Variants in SMYD3 observed in about 807,000 individuals in gnomAD.
SMYD3 encodes the protein SET and MYND domain containing 3, also known as histone-lysine N-methyltransferase SMYD3.
SMYD3 carries 36 observed loss-of-function variants against 57.7 expected under a neutral mutation model. The observed-to-expected ratio is 0.62, with a 90% CI of 0.48 to 0.82. The LOEUF (loss-of-function observed/expected upper bound fraction) is 0.82. Ranked by LOEUF, SMYD3 falls within the 40% of genes least tolerant of loss-of-function variation. The probability of loss-of-function intolerance (pLI) is 0.00; values close to 1 mark genes in which losing one functional copy is unlikely to be tolerated. For missense variants in SMYD3, 515 were observed against 538.8 expected (o/e 0.96, Z 0.44); for synonymous variants, 211 against 195.0 (o/e 1.08, Z -0.68).
intron 5 of SMYD3, among the ~76,000 whole-genome samples, chr1:246,129,982 T>C (rs2061564032): frequency 1.3e-5 from 2 of 152,218 alleles, no homozygotes; most frequent in Non-Finnish European, 2.9e-5. Flanking sequence ...CTATGTCTAC[T>C]TCTGTTTAAA....
At chr1:245,827,122 G>C (rs1344662659) in intron 10 of SMYD3, among the ~76,000 whole-genome samples, 2 of 152,168 alleles carry the variant, frequency 1.3e-5, no homozygotes, top group African/African-American at 4.8e-5. Flanking sequence ...AGAAACTTCA[G>C]GGTTATGACT....
chr1:245,973,270 A>G (rs1410434011), intron 5 of SMYD3, among the ~76,000 whole-genome samples: 1 of 152,234 alleles, frequency 6.6e-6, no homozygotes, highest in East Asian at 1.9e-4. Flanking sequence ...TTTGTTAGGT[A>G]TTATGTTTTT....
At chr1:245,855,872 A>T (rs1440489494) in intron 10 of SMYD3, among the ~76,000 whole-genome samples, 1 of 152,246 alleles carries the variant, frequency 6.6e-6, no homozygotes, top group Non-Finnish European at 1.5e-5. Flanking sequence ...CTTGACCTCC[A>T]TCTAGTTGTT....
chr1:245,892,620 TC>T (rs1223164411), intron 8 of SMYD3, among the ~76,000 whole-genome samples: 3 of 152,230 alleles, frequency 2.0e-5, no homozygotes, highest in African/African-American at 7.2e-5. Context: ...AACTCTGTAC[TC>T]TTTGTATAAT....
intron 1 of SMYD3, among the ~76,000 whole-genome samples, chr1:246,476,178 A>G (rs2068028394): frequency 6.6e-6 from 1 of 152,214 alleles, no homozygotes; most frequent in Non-Finnish European, 1.5e-5. Flanking sequence ...TATCTAGGTA[A>G]TTCTAATGGA....
rs186897146 is a variant in SMYD3 at position 246,260,678 on chromosome 1, G to A, written c.531+66523C>T. 5.7e-3 allele frequency among the ~76,000 whole-genome samples: 858 copies of A among 151,848 alleles called. 9 individuals are homozygous for A. Among genetic ancestry groups the A allele is most frequent in the Non-Finnish European group, 4.8e-3 (326 of 67,916 alleles). Reference sequence around the variant, plus strand: ...GATCTCTTGACCTCGTGATCCACCCGCCTCAGCCTCCCAAAGTGCTAGATT... The same window carrying A: ...GATCTCTTGACCTCGTGATCCACCCACCTCAGCCTCCCAAAGTGCTAGATT... On this transcript the variant is annotated intron_variant, in intron 5 of 11. Transcript: ENST00000490107.
At chr1:246,365,709 G>GA (rs1419913452) in intron 1 of SMYD3, among the ~76,000 whole-genome samples, 4 of 151,986 alleles carry the variant, frequency 2.6e-5, no homozygotes, top group Non-Finnish European at 5.9e-5. Context: ...TGACTGGGTG[G>GA]AAAAAACTAT....
chr1:245,972,345 AAC>A (rs1272608880), intron 5 of SMYD3, among the ~76,000 whole-genome samples: 6 of 152,148 alleles, frequency 3.9e-5, no homozygotes, highest in Non-Finnish European at 2.9e-5. Context: ...CTATGACAAC[AAC>A]ACAGTGTTCA....
At chr1:246,499,518 G>A (rs1299767437) in intron 1 of SMYD3, among the ~76,000 whole-genome samples, 2 of 151,712 alleles carry the variant, frequency 1.3e-5, no homozygotes, top group East Asian at 1.9e-4. Context: ...GTGCAGTGGC[G>A]CAGTCTCAGC....
intron 10 of SMYD3, among the ~76,000 whole-genome samples, chr1:245,844,486 G>A (rs965539256): frequency 6.6e-6 from 1 of 152,206 alleles, no homozygotes; most frequent in African/African-American, 2.4e-5. Context: ...AAGTTTATCA[G>A]CCTAATTGCT....
Position 246,195,613 on chromosome 1 carries a change from G to A in SMYD3, c.531+131588C>T, listed in dbSNP as rs200876538. 0.021 allele frequency among the ~76,000 whole-genome samples: 3,136 copies of A among 149,970 alleles called. 215 individuals are homozygous for A. The East Asian group carries it at 0.23, about 11-fold the overall frequency. ...TACACACAAATGTGCGTGCACGCGC[G>A]CACACACACACACACACACGCACTG... On this transcript the variant is annotated intron_variant, in intron 5 of 11. Coordinates refer to ENST00000490107, the MANE Select transcript of SMYD3 (RefSeq NM_001167740.2).
chr1:246,372,241 T>C (rs1044859831), intron 1 of SMYD3, among the ~76,000 whole-genome samples: 1 of 152,248 alleles, frequency 6.6e-6, no homozygotes, highest in African/African-American at 2.4e-5. Flanking sequence ...GCAAGCACTT[T>C]GATGCCTGCT....
intron 5 of SMYD3, among the ~76,000 whole-genome samples, chr1:246,311,780 G>A (rs1192076679): frequency 1.3e-5 from 2 of 152,150 alleles, no homozygotes; most frequent in African/African-American, 4.8e-5. Context: ...AAAATACCCA[G>A]CCTTTCAAAA....
intron 5 of SMYD3, among the ~76,000 whole-genome samples, chr1:246,149,879 A>G (rs1262337064): frequency 1.3e-5 from 2 of 152,256 alleles, no homozygotes; most frequent in African/African-American, 4.8e-5. Context: ...TCTGTCTACA[A>G]TGTAACCCAA....
At chr1:246,077,924 G>A (rs1381060097) in intron 5 of SMYD3, among the ~76,000 whole-genome samples, 1 of 152,006 alleles carries the variant, frequency 6.6e-6, no homozygotes, top group Non-Finnish European at 1.5e-5. Context: ...AACAAAATCT[G>A]TCTTCCTTTC....
chr1:246,173,918 C>G (rs571019256), intron 5 of SMYD3, among the ~76,000 whole-genome samples: 32 of 152,178 alleles, frequency 2.1e-4, no homozygotes, highest in African/African-American at 7.7e-4. Flanking sequence ...GCTATCCTCC[C>G]ACCTCGGCCT....
At chr1:245,770,701 A>C (rs573236029) in intron 10 of SMYD3, among the ~76,000 whole-genome samples, 1 of 152,350 alleles carries the variant, frequency 6.6e-6, no homozygotes, top group South Asian at 2.1e-4. Context: ...AGGTACTGAA[A>C]TGGTAAGGTT....
chr1:245,939,498 G>A (rs1295090668), intron 5 of SMYD3, among the ~76,000 whole-genome samples: 2 of 152,056 alleles, frequency 1.3e-5, no homozygotes, highest in Non-Finnish European at 2.9e-5. Context: ...GTGGTGGCAG[G>A]TGTCTGTAGT....
chr1:246,237,413 T>C (rs1572258608), intron 5 of SMYD3, among the ~76,000 whole-genome samples: 1 of 152,214 alleles, frequency 6.6e-6, no homozygotes, highest in East Asian at 1.9e-4. Context: ...GTTGTTGTTC[T>C]ATTACTGTTA....
Sources: allele counts gnomAD v4.1 joint callset (sites outside exome capture counted in the v4.1 genomes callset), GRCh38; gene constraint gnomAD v4.1.1; transcripts MANE v1.5; gene names NCBI Gene and HGNC (gene_info 2026-07-23, HGNC 2026-07-21).